OR51B5: variants seen among roughly 807,000 people sequenced by gnomAD.
OR51B5 encodes the protein olfactory receptor family 51 subfamily B member 5.
For missense variants in OR51B5, 456 were observed against 374.6 expected (o/e 1.22, Z -1.79); for synonymous variants, 186 against 144.8 (o/e 1.28, Z -2.04).
intron 1 of OR51B5, among the ~76,000 whole-genome samples, chr11:5,487,307 A>G (rs990600879): frequency 1.3e-5 from 2 of 152,194 alleles, no homozygotes; most frequent in Non-Finnish European, 2.9e-5. Flanking sequence ...TATTCTGGGT[A>G]TACAAATGTT....
At chr11:5,460,803 G>C (rs76947495) in intron 1 of OR51B5, among the ~76,000 whole-genome samples, 1,595 of 152,260 alleles carry the variant, frequency 0.01, 27 homozygotes, top group African/African-American at 0.035. Context: ...TATAAGTTTG[G>C]TTTAGTTGAT....
intron 1 of OR51B5, among the ~76,000 whole-genome samples, chr11:5,400,080 G>A (rs1468866098): frequency 3.9e-5 from 6 of 152,166 alleles, no homozygotes. Flanking sequence ...GAATGCAGAA[G>A]AGAAATGTTT....
chr11:5,423,226 A>C, intron 1 of OR51B5: 2 of 1,432,938 alleles, frequency 1.4e-6, no homozygotes, highest in South Asian at 3.0e-5. Context: ...CAGAATTAGG[A>C]AACTATAAAA....
At chr11:5,467,965 T>G (rs11037596) in intron 1 of OR51B5, among the ~76,000 whole-genome samples, 15,293 of 152,294 alleles carry the variant, frequency 0.1, 931 homozygotes, top group East Asian at 0.2. Flanking sequence ...ATGTGTTGTA[T>G]GGTTTCTATT....
At chr11:5,469,551 C>CAAA (rs892063401) in intron 1 of OR51B5, 1 of 136,078 alleles carries the variant, frequency 7.3e-6, no homozygotes, top group African/African-American at 2.6e-5. Flanking sequence ...ATTCCAGTGC[C>CAAA]AAAGATTTGG....
chr11:5,382,498 G>T lies in OR51B5; in HGVS notation n.85-35588C>A, dbSNP rs80025992. 4.0e-3 allele frequency among the ~76,000 whole-genome samples: 613 copies of T among 152,222 alleles called. 6 individuals carry two copies. Among genetic ancestry groups the T allele is most frequent in the Non-Finnish European group, 5.8e-3 (393 of 68,020 alleles). On this transcript the variant is annotated intron_variant and non_coding_transcript_variant, in intron 1 of 4. Transcript: ENST00000415970. ...ATGCCCCTGAATAATAGCAATATTT[G>T]CTGTTGCTGGTAATAATAGCAGCAT...
intron 1 of OR51B5, among the ~76,000 whole-genome samples, chr11:5,400,696 GGAA>G (rs1309593422): frequency 2.6e-5 from 4 of 152,176 alleles, no homozygotes; most frequent in African/African-American, 7.2e-5. Flanking sequence ...GAATATCTGT[GGAA>G]GAAGATTTGT....
At chr11:5,417,344 T>G (rs1399320135) in intron 1 of OR51B5, among the ~76,000 whole-genome samples, 1 of 151,904 alleles carries the variant, frequency 6.6e-6, no homozygotes, top group Non-Finnish European at 1.5e-5. Context: ...ACCTAGGCAT[T>G]ACCATTCAGG....
chr11:5,432,235 T>C (rs886365709), intron 1 of OR51B5, among the ~76,000 whole-genome samples: 27 of 152,292 alleles, frequency 1.8e-4, no homozygotes, highest in African/African-American at 3.1e-4. Flanking sequence ...TGATATCAAC[T>C]TTTTTAGCTC....
intron 1 of OR51B5, chr11:5,441,271 T>A (rs746935342): frequency 5.0e-6 from 8 of 1,613,712 alleles, no homozygotes; most frequent in Non-Finnish European, 6.8e-6. Context: ...GAAATCACAG[T>A]GGGAAGTGTA....
intron 1 of OR51B5, among the ~76,000 whole-genome samples, chr11:5,416,966 C>G (rs11037376): frequency 0.81 from 114,588 of 141,022 alleles, 47,353 homozygotes; most frequent in Non-Finnish European, 0.89. Flanking sequence ...GCCCGCATCG[C>G]CAAGTCAATC....
upstream of OR51B5, among the ~76,000 whole-genome samples, chr11:5,344,689 A>C (rs1486886216): frequency 6.6e-6 from 1 of 152,180 alleles, no homozygotes; most frequent in East Asian, 1.9e-4. Context: ...TTCTTAGTTC[A>C]CCTAATATTT....
chr11:5,404,087 A>G (rs991504818), intron 1 of OR51B5, among the ~76,000 whole-genome samples: 5 of 144,988 alleles, frequency 3.4e-5, no homozygotes, highest in Admixed American at 1.4e-4. Context: ...TTATTATGCA[A>G]AATTCTGGGA....
At chr11:5,395,000 A>C (rs1206662235) in intron 1 of OR51B5, among the ~76,000 whole-genome samples, 1 of 152,142 alleles carries the variant, frequency 6.6e-6, no homozygotes, top group Non-Finnish European at 1.5e-5. Flanking sequence ...GCACCCAATA[A>C]ATTTTCTTAT....
intron 1 of OR51B5, among the ~76,000 whole-genome samples, chr11:5,432,924 A>G (rs1291697204): frequency 6.6e-6 from 1 of 152,206 alleles, no homozygotes; most frequent in Non-Finnish European, 1.5e-5. Context: ...CGTGAACCTT[A>G]GAAGGGAAGA....
intron 1 of OR51B5, among the ~76,000 whole-genome samples, chr11:5,380,922 G>A (rs1177006957): frequency 1.3e-5 from 2 of 152,052 alleles, no homozygotes; most frequent in African/African-American, 4.8e-5. Context: ...CCTATCCTTG[G>A]GCTGAATGCT....
At chr11:5,392,416 T>C (rs2133732029) in intron 1 of OR51B5, 1 of 152,292 alleles carries the variant, frequency 6.6e-6, no homozygotes, top group East Asian at 1.9e-4. Flanking sequence ...GTACAAAAAA[T>C]TTAGGATTTG....
intron 1 of OR51B5, among the ~76,000 whole-genome samples, chr11:5,417,973 T>G (rs912498098): frequency 6.7e-6 from 1 of 148,446 alleles, no homozygotes; most frequent in Non-Finnish European, 1.5e-5. Context: ...GTATGTTTAT[T>G]GCGGCACTAC....
At chr11:5,455,654 CTT>C (rs1850946065) in intron 1 of OR51B5, 1 of 150,142 alleles carries the variant, frequency 6.7e-6, no homozygotes, top group South Asian at 2.1e-4. Flanking sequence ...GGTAGTCTAA[CTT>C]AACTCACCAT....
Sources: gnomAD v4.1 joint callset for allele counts (sites outside exome capture counted in the v4.1 genomes callset) on GRCh38, gnomAD v4.1.1 for gene constraint, MANE v1.5 for transcripts, NCBI Gene and HGNC (gene_info 2026-07-23, HGNC 2026-07-21) for gene names.